MTHFD1L: variants seen among roughly 807,000 people sequenced by gnomAD.
The protein encoded by MTHFD1L is monofunctional C1-tetrahydrofolate synthase, mitochondrial.
In MTHFD1L, 81 loss-of-function variants were observed where a neutral mutation model predicts 119.5. The ratio of observed to expected loss-of-function variants is 0.68; its 90% CI spans 0.57 to 0.82. The LOEUF is 0.82. MTHFD1L is among the 40% of genes least tolerant of loss of function. MTHFD1L has a pLI of 0.00. For synonymous variants in MTHFD1L, 430 were observed against 475.2 expected (o/e 0.90, Z 1.24); for missense variants, 1,125 against 1,253.4 (o/e 0.90, Z 1.55).
At chr6:150,897,291 C>T (rs1205579207) in intron 7 of MTHFD1L, among the ~76,000 whole-genome samples, 1 of 152,168 alleles carries the variant, frequency 6.6e-6, no homozygotes, top group Non-Finnish European at 1.5e-5. Context: ...CCAACATTAC[C>T]TCCCTTTTAT....
chr6:151,054,704 C>T (rs369650972), intron 26 of MTHFD1L, among the ~76,000 whole-genome samples: 2 of 152,168 alleles, frequency 1.3e-5, no homozygotes, highest in Admixed American at 6.5e-5. Context: ...AGTTCTTTCC[C>T]CCTAAATAAA....
At chr6:151,070,897 G>C (rs11751336) in intron 26 of MTHFD1L, among the ~76,000 whole-genome samples, 7,784 of 152,238 alleles carry the variant, frequency 0.051, 233 homozygotes, top group Middle Eastern at 0.082. Context: ...GAGATAAAAA[G>C]GGCCAGGCAT....
intron 26 of MTHFD1L, among the ~76,000 whole-genome samples, chr6:151,037,532 G>A (rs756359102): frequency 2.0e-5 from 3 of 152,170 alleles, no homozygotes; most frequent in Non-Finnish European, 4.4e-5. Context: ...AAGGGCTGGG[G>A]AAAGCAGTCC....
At chr6:150,998,996 A>AAAAAAAAATG (rs55972940) in intron 20 of MTHFD1L, among the ~76,000 whole-genome samples, 6 of 110,414 alleles carry the variant, frequency 5.4e-5, no homozygotes, top group African/African-American at 1.2e-4. Context: ...TCTTAAAAAA[A>AAAAAAAAATG]TATATATACA....
chr6:150,922,519 A>C (rs559090226), intron 10 of MTHFD1L, among the ~76,000 whole-genome samples: 1 of 151,472 alleles, frequency 6.6e-6, no homozygotes, highest in Non-Finnish European at 1.5e-5. Flanking sequence ...AAGAAGGCAT[A>C]TTTTTTTATT....
chr6:151,056,412 A>G (rs1789934990), intron 26 of MTHFD1L, among the ~76,000 whole-genome samples: 1 of 152,192 alleles, frequency 6.6e-6, no homozygotes, highest in African/African-American at 2.4e-5. Flanking sequence ...GCCAGAGAAT[A>G]GGACTTTGAA....
At position 151,039,434 on chromosome 6, in the gene MTHFD1L, A is replaced by G. The variant is rs967002674; in HGVS notation, c.2847+2317A>G. On this transcript the variant is annotated intron_variant, in intron 26 of 27. Transcript: ENST00000367321. The surrounding 1 kb of genome is among the most constrained non-coding windows in gnomAD (Gnocchi z 4.4). The stretch of plus-strand genomic sequence containing the variant: ...TCCATGGCTATATACATTCTTCCAG[A>G]CTCATAGACCTATTCACGTGTGTTG... Among the ~76,000 whole-genome samples, 1 of 151,958 alleles carries G rather than the reference A, an allele frequency of 6.6e-6. No individual in the cohort carries two copies. The highest frequency in any genetic ancestry group is 1.5e-5 in the Non-Finnish European group (1 of 67,998).
intron 21 of MTHFD1L, 48 bp from the exon 22 acceptor site, chr6:151,013,731 T>TA (rs1782618167): frequency 5.9e-6 from 9 of 1,515,494 alleles, no homozygotes; most frequent in Non-Finnish European, 8.2e-6. Context: ...ATCGGTTGTG[T>TA]AAGCATTTTT....
At chr6:151,058,168 A>G (rs1229146993) in intron 26 of MTHFD1L, among the ~76,000 whole-genome samples, 2 of 152,194 alleles carry the variant, frequency 1.3e-5, no homozygotes, top group Non-Finnish European at 2.9e-5. Flanking sequence ...TTCCATACCT[A>G]GCAAGAGCTT....
rs1562348409 is a variant in MTHFD1L at position 150,903,203 on chromosome 6, A to ATTCT, written c.781-2445_781-2444insCTTT. On this transcript the variant is annotated intron_variant, in intron 7 of 27. Transcript: ENST00000367321. Reference sequence around the variant, plus strand: ...GATTGCTGGTGATATTGGCTGCAAAATTTTTTTTTTTTTTTTTTTTTTTTT... The same window carrying ATTCT: ...GATTGCTGGTGATATTGGCTGCAAAATTCTTTTTTTTTTTTTTTTTTTTTTTTTT... Among the ~76,000 whole-genome samples, 120 of 85,480 alleles carry ATTCT rather than the reference A, an allele frequency of 1.4e-3. 16 individuals carry two copies. The highest frequency in any genetic ancestry group is 4.7e-3 in the African/African-American group (93 of 19,994). 56.1% of individuals were successfully genotyped at this position (85,480 alleles called of 152,430 possible).
rs370556461 is a variant in MTHFD1L at position 150,870,431 on chromosome 6, GA to G, written c.227+4384del. On this transcript the variant is annotated intron_variant, in intron 1 of 27. Transcript: ENST00000367321. ...TATTAGCTTGGGTGGTAGTAGCGTT[GA>G]ACTCCTTTACATACCTGTACAGGCA... Among the ~76,000 whole-genome samples, 45 of 152,204 alleles carry G rather than the reference GA, an allele frequency of 3.0e-4. 2 individuals are homozygous for G. The East Asian group carries it at 6.8e-3, about 23-fold the overall frequency.
intron 26 of MTHFD1L, among the ~76,000 whole-genome samples, chr6:151,046,073 A>G (rs1245345121): frequency 6.6e-6 from 1 of 152,170 alleles, no homozygotes; most frequent in Non-Finnish European, 1.5e-5. Context: ...TCTAGGTCCA[A>G]TCCATTTGTG....
At chr6:150,900,380 ATC>A (rs1273147249) in intron 7 of MTHFD1L, among the ~76,000 whole-genome samples, 2 of 151,826 alleles carry the variant, frequency 1.3e-5, no homozygotes, top group Non-Finnish European at 2.9e-5. Context: ...TCTGTTCGTT[ATC>A]TCTAACCATT....
chr6:150,978,417 C>T (rs1370388431), intron 20 of MTHFD1L, among the ~76,000 whole-genome samples: 1 of 152,208 alleles, frequency 6.6e-6, no homozygotes, highest in Non-Finnish European at 1.5e-5. Context: ...TGCTTGCTCT[C>T]TGTAGAGAAT....
chr6:150,868,200 A>G (rs539431974), intron 1 of MTHFD1L, among the ~76,000 whole-genome samples: 36 of 152,152 alleles, frequency 2.4e-4, no homozygotes, highest in Admixed American at 7.2e-4. Flanking sequence ...TCCAAACTCA[A>G]TTCCTTCAGG....
At position 151,013,726 on chromosome 6, in the gene MTHFD1L, T is replaced by C. The variant is rs367582959; in HGVS notation, c.2266-53T>C. 3.7e-5 allele frequency: 55 copies of C among 1,469,714 alleles called. No individual in the cohort carries two copies. In the African/African-American group the frequency reaches 6.5e-4, roughly 17 times the overall value. 91.0% of individuals were successfully genotyped at this position (1,469,714 alleles called of 1,614,324 possible). ...TATGTTGTTCTTTCTTTCAGATCGG[T>C]TGTGTAAGCATTTTTATAGGATTAT... On this transcript the variant is annotated intron_variant, in intron 21 of 27. Transcript: ENST00000367321.
chr6:150,967,113 C>G (rs1370613320), intron 19 of MTHFD1L, among the ~76,000 whole-genome samples: 1 of 117,398 alleles, frequency 8.5e-6, no homozygotes, highest in Non-Finnish European at 2.1e-5. Flanking sequence ...AAACCTCCTG[C>G]CCCCACCTGC....
chr6:150,865,874 C>T lies in MTHFD1L; in HGVS notation c.52C>T (p.Pro18Ser), dbSNP rs763631489. The T allele has an allele frequency of 1.7e-6, 2 of 1,202,502 alleles. No homozygotes were observed. The highest frequency in any genetic ancestry group is 1.6e-5 in the African/African-American group (1 of 62,062). The allele number at this position is 1,202,502 out of a possible 1,614,324, so 74.5% of individuals were successfully genotyped here. The change falls in exon 1 of 28, where the codon CCC becomes TCC. Residue 18 changes from proline (P) to serine (S), a missense_variant. Around this residue, in one of 3 missense-constraint regions of MTHFD1L, gnomAD observed 1,058 missense variants for 1,151.2 expected, o/e 0.92. Transcript: ENST00000367321. The part of the protein sequence containing the change: ...VLRQLRRPPQ[P>S]PGPPRRLRVP... The stretch of plus-strand genomic sequence containing the variant: ...GCGCCAGCTCCGCCGCCCGCCCCAG[C>T]CCCCGGGCCCTCCGCGCCGCCTCCG...
At chr6:150,941,987 G>A (rs1562423131) in intron 13 of MTHFD1L, among the ~76,000 whole-genome samples, 1 of 152,170 alleles carries the variant, frequency 6.6e-6, no homozygotes, top group Middle Eastern at 3.2e-3. Context: ...GGCCGGGCAC[G>A]GTGGCTCATG....
Sources: gnomAD v4.1 joint callset for allele counts (sites outside exome capture counted in the v4.1 genomes callset) on GRCh38, gnomAD v4.1.1 for gene constraint, gnomAD v4.1.1 regional missense constraint, Gnocchi (gnomAD v3.1) non-coding constraint, MANE v1.5 for transcripts, NCBI Gene and HGNC (gene_info 2026-07-23, HGNC 2026-07-21) for gene names.